The following TOPAZ1 variants were observed in gnomAD, a reference collection of about 807,000 sequenced individuals.
TOPAZ1 encodes testis and ovary specific TOPAZ 1.
Under a neutral mutation model 172.2 loss-of-function variants are expected in TOPAZ1, and 66 were observed. The observed-to-expected ratio is 0.38, with a 90% CI of 0.31 to 0.47. The LOEUF (loss-of-function observed/expected upper bound fraction) is 0.47. Ranked by LOEUF, TOPAZ1 falls within the 20% of genes least tolerant of loss-of-function variation. The pLI, the probability that TOPAZ1 is intolerant of heterozygous loss-of-function variation, is 0.99. For synonymous variants in TOPAZ1, 681 were observed against 683.9 expected (o/e 1.00, Z 0.07); for missense variants, 1,822 against 1,972.4 (o/e 0.92, Z 1.44).
Position 44,258,013 on chromosome 3 carries a change from AT to A in TOPAZ1, c.2955+1743del, listed in dbSNP as rs929134159. On this transcript the variant is annotated intron_variant, in intron 4 of 19. Coordinates refer to ENST00000309765, the MANE Select transcript of TOPAZ1 (RefSeq NM_001145030.2). ...AAAAAAAACAGCTTTAGTTTTACTG[AT>A]TTTTTTTCCTATGTTGCTTTTTTGT... is the stretch of plus-strand genomic sequence containing the variant. Among the ~76,000 whole-genome samples the A allele has an allele frequency of 5.7e-4, 86 of 151,802 alleles. 1 individual carries two copies. The highest frequency in any genetic ancestry group is 1.2e-3 in the Non-Finnish European group (83 of 67,882).
At chr3:44,308,462 C>CT (rs1167760314) in intron 15 of TOPAZ1, among the ~76,000 whole-genome samples, 1 of 152,082 alleles carries the variant, frequency 6.6e-6, no homozygotes, top group Non-Finnish European at 1.5e-5. Context: ...TGAACTCATC[C>CT]TTTTTTATGG....
At chr3:44,320,731 T>A (rs1049346604) in intron 16 of TOPAZ1, among the ~76,000 whole-genome samples, 1 of 152,244 alleles carries the variant, frequency 6.6e-6, no homozygotes, top group Non-Finnish European at 1.5e-5. Flanking sequence ...TGTGATAATC[T>A]GAACTTTTTT....
At position 44,284,291 on chromosome 3, in the gene TOPAZ1, C is replaced by T. The variant is rs536818645; in HGVS notation, c.3436+2260C>T. Among the ~76,000 whole-genome samples, 4 of 152,132 alleles carry T rather than the reference C, an allele frequency of 2.6e-5. No homozygotes were observed. In the South Asian group the frequency reaches 8.3e-4, roughly 32 times the overall value. ...ACTCCTCATTACCCTCATTCTCAGC[C>T]CTTGATAACCTCTAATCTACTTTCT... On this transcript the variant is annotated intron_variant, in intron 9 of 19. Coordinates refer to ENST00000309765, the MANE Select transcript of TOPAZ1 (RefSeq NM_001145030.2).
At chr3:44,300,008 T>A (rs1299995611) in intron 12 of TOPAZ1, among the ~76,000 whole-genome samples, 5 of 150,134 alleles carry the variant, frequency 3.3e-5, no homozygotes, top group Admixed American at 3.3e-4. Context: ...TGCTAAATGA[T>A]GAGTTAATGG....
chr3:44,289,996 T>C lies in TOPAZ1; in HGVS notation c.3682-775T>C, dbSNP rs1374793417. ...TCATTCTTAACTCTCTAAATCCTTG[T>C]CCAGGGTAGCTAGTCATAATACCTT... On this transcript the variant is annotated intron_variant, in intron 11 of 19. Coordinates refer to ENST00000309765, the MANE Select transcript of TOPAZ1 (RefSeq NM_001145030.2). Among the ~76,000 whole-genome samples the C allele has an allele frequency of 2.0e-5, 3 of 152,178 alleles. No homozygotes were observed. In the East Asian group the frequency reaches 5.8e-4, roughly 29 times the overall value.
chr3:44,271,465 A>G (rs1316838994), intron 8 of TOPAZ1, among the ~76,000 whole-genome samples: 2 of 152,102 alleles, frequency 1.3e-5, no homozygotes, highest in Non-Finnish European at 2.9e-5. Flanking sequence ...CCTATATTCT[A>G]TGGGATTCTT....
At chr3:44,319,546 G>A (rs771526075) in intron 16 of TOPAZ1, among the ~76,000 whole-genome samples, 18 of 152,056 alleles carry the variant, frequency 1.2e-4, no homozygotes, top group Non-Finnish European at 7.4e-5. Flanking sequence ...AATGGTGAAC[G>A]AACAGTTTTA....
chr3:44,315,400 T>G (rs980553700), intron 16 of TOPAZ1, among the ~76,000 whole-genome samples: 6 of 152,076 alleles, frequency 3.9e-5, no homozygotes, highest in Non-Finnish European at 1.5e-5. Flanking sequence ...GGAATCTTGC[T>G]CTGTTGCCCA....
rs1434121346 is a variant in TOPAZ1, at chr3:44,332,027, T to C, written c.*16T>C. Reference sequence around the variant, plus strand: ...TAACCATTAGCTAATAAAGTCTGCTTTTTTTTTTTTTTTAGTTCAAGTAAT... The same window carrying C: ...TAACCATTAGCTAATAAAGTCTGCTCTTTTTTTTTTTTTAGTTCAAGTAAT... On this transcript the variant is annotated 3_prime_UTR_variant, in exon 20 of 20. Coordinates refer to ENST00000309765, the MANE Select transcript of TOPAZ1 (RefSeq NM_001145030.2). 3 of 556,702 alleles carry C rather than the reference T, an allele frequency of 5.4e-6. No homozygotes were observed. Among genetic ancestry groups the C allele is most frequent in the Non-Finnish European group, 4.8e-6 (2 of 414,680 alleles). 34.5% of individuals were successfully genotyped at this position (556,702 alleles called of 1,614,324 possible).
In TOPAZ1 at chr3:44,242,317, G is replaced by T; in HGVS notation, c.264G>T (p.Pro88=). The part of the protein sequence containing the change: ...ARRQVEGRRG[P]VSPSDSSDPR... ...GTCAGGTGGAGGGGCGCAGGGGCCC[G>T]GTGAGCCCGTCAGACTCGTCAGACC... The change falls in exon 1 of 20, where the codon CCG becomes CCT. Residue 88 remains proline, a synonymous_variant. Coordinates refer to ENST00000309765, the MANE Select transcript of TOPAZ1 (RefSeq NM_001145030.2). 6.4e-7 allele frequency: 1 copy of T among 1,552,158 alleles called. No individual in the cohort carries two copies. Among genetic ancestry groups the T allele is most frequent in the Non-Finnish European group, 8.7e-7 (1 of 1,147,076 alleles).
chr3:44,308,325 T>C (rs1559545048), intron 15 of TOPAZ1, among the ~76,000 whole-genome samples: 2 of 134,638 alleles, frequency 1.5e-5, no homozygotes. Flanking sequence ...CCCCACCCTG[T>C]GTCCAAGTGT....
At chr3:44,272,646 C>T (rs949013826) in intron 8 of TOPAZ1, among the ~76,000 whole-genome samples, 14 of 152,140 alleles carry the variant, frequency 9.2e-5, no homozygotes, top group African/African-American at 3.4e-4. Flanking sequence ...ACTGCAGCCT[C>T]CACCTCCTGG....
At chr3:44,271,832 A>C (rs944695559) in intron 8 of TOPAZ1, among the ~76,000 whole-genome samples, 1 of 152,120 alleles carries the variant, frequency 6.6e-6, no homozygotes, top group African/African-American at 2.4e-5. Context: ...CATACAATAG[A>C]TATCAAAGAA....
intron 19 of TOPAZ1, among the ~76,000 whole-genome samples, chr3:44,329,714 C>T (rs1036326457): frequency 1.3e-5 from 2 of 152,146 alleles, no homozygotes; most frequent in Admixed American, 1.3e-4. Context: ...CCTCTTGCTC[C>T]TAAGTCCCAT....
At chr3:44,262,858 G>T (rs1258889508) in intron 5 of TOPAZ1, among the ~76,000 whole-genome samples, 1 of 152,170 alleles carries the variant, frequency 6.6e-6, no homozygotes, top group Non-Finnish European at 1.5e-5. Flanking sequence ...ACACCCACTG[G>T]AACATATAAA....
In TOPAZ1 at chr3:44,241,935, C is replaced by T; in HGVS notation, c.-119C>T. On this transcript the variant is annotated 5_prime_UTR_variant, in exon 1 of 20. Coordinates refer to ENST00000309765, the MANE Select transcript of TOPAZ1 (RefSeq NM_001145030.2). ...CGCTTCCGGCCCCGGGCTGTGGTGA[C>T]TGGCGGTGTGGGGTGGGTCAGAGGG... 2.1e-6 allele frequency: 2 copies of T among 944,718 alleles called. No individual in the cohort carries two copies. Among genetic ancestry groups the T allele is most frequent in the African/African-American group, 1.7e-5 (1 of 57,678 alleles). 58.5% of individuals were successfully genotyped at this position (944,718 alleles called of 1,614,324 possible). A position where few individuals can be genotyped will look rare whatever the true frequency, so the allele number is the denominator to read the frequency against.
intron 16 of TOPAZ1, among the ~76,000 whole-genome samples, chr3:44,313,175 C>T (rs1700413698): frequency 6.6e-6 from 1 of 152,086 alleles, no homozygotes; most frequent in Non-Finnish European, 1.5e-5. Flanking sequence ...TCCTGCTAAA[C>T]GTCACCGCTA....
At chr3:44,327,783 C>T (rs1223353977) in intron 18 of TOPAZ1, among the ~76,000 whole-genome samples, 3 of 151,768 alleles carry the variant, frequency 2.0e-5, no homozygotes, top group Admixed American at 2.0e-4. Context: ...CTCACACTGT[C>T]GCCTAGGCTG....
At chr3:44,257,353 GTGTGT>G (rs1369347742) in intron 4 of TOPAZ1, among the ~76,000 whole-genome samples, 2 of 18,022 alleles carry the variant, frequency 1.1e-4, no homozygotes, top group African/African-American at 5.1e-4. Flanking sequence ...AAACATAGGG[GTGTGT>G]GTGTGTGTGT....
Sources: gnomAD v4.1 joint callset for allele counts (sites outside exome capture counted in the v4.1 genomes callset) on GRCh38, gnomAD v4.1.1 for gene constraint, MANE v1.5 for transcripts, NCBI Gene and HGNC (gene_info 2026-07-23, HGNC 2026-07-21) for gene names.